Variants in ZC3H12B observed in about 807,000 individuals in gnomAD.
ZC3H12B encodes zinc finger CCCH-type containing 12B.
In ZC3H12B, 7 loss-of-function variants were observed where a neutral mutation model predicts 43.9. The ratio of observed to expected loss-of-function variants is 0.16; its 90% confidence interval spans 0.09 to 0.30. The LOEUF is 0.30. ZC3H12B is among the 10% of genes least tolerant of loss of function. The probability of loss-of-function intolerance (pLI) is 1.00; values close to 1 mark genes in which losing one functional copy is unlikely to be tolerated. For synonymous variants in ZC3H12B, 222 were observed against 241.7 expected (o/e 0.92, Z 0.76); for missense variants, 475 against 670.2 (o/e 0.71, Z 3.22).
chrX:65,158,553 G>A, the ZC3H12B span, among the ~76,000 whole-genome samples: 2 of 111,897 alleles, frequency 1.8e-5, no homozygotes, highest in Admixed American at 9.5e-5. Flanking sequence ...TGTGTTTATT[G>A]GCTGCATAAA....
the ZC3H12B span, among the ~76,000 whole-genome samples, chrX:65,354,480 TA>T: frequency 9.0e-6 from 1 of 111,467 alleles, no homozygotes; most frequent in Non-Finnish European, 1.9e-5. Flanking sequence ...AGACCAAAGG[TA>T]GATAAATCCA....
exon 5 of ZC3H12B, chrX:65,502,394 T>C: frequency 8.3e-7 from 1 of 1,211,277 alleles, no homozygotes; most frequent in Non-Finnish European, 1.1e-6. Context: ...CCGAGAGTAT[T>C]ACATGGCTGA....
At chrX:65,060,588 T>A in the ZC3H12B span, among the ~76,000 whole-genome samples, 1 of 112,110 alleles carries the variant, frequency 8.9e-6, no homozygotes, top group African/African-American at 3.2e-5. Context: ...AATGTATTGT[T>A]GATTTCAGTT....
intron 3 of ZC3H12B, among the ~76,000 whole-genome samples, chrX:65,436,418 A>T (rs1367891879): frequency 8.9e-6 from 1 of 112,642 alleles, no homozygotes; most frequent in African/African-American, 3.2e-5. Flanking sequence ...TTTCTGTTCT[A>T]TCTGGACTTT....
At chrX:65,110,776 A>G in the ZC3H12B span, among the ~76,000 whole-genome samples, 2 of 111,484 alleles carry the variant, frequency 1.8e-5, no homozygotes, top group Non-Finnish European at 3.8e-5. Context: ...ATATCTTGCT[A>G]GGATTTTTGT....
At chrX:65,242,933 G>T in the ZC3H12B span, among the ~76,000 whole-genome samples, 1 of 112,141 alleles carries the variant, frequency 8.9e-6, no homozygotes, top group Non-Finnish European at 1.9e-5. Context: ...ACATGCAGAA[G>T]AAAGAAAATA....
At chrX:65,463,162 G>T (rs1035218179) in intron 3 of ZC3H12B, among the ~76,000 whole-genome samples, 39 of 111,713 alleles carry the variant, frequency 3.5e-4, no homozygotes, top group African/African-American at 1.2e-3. Flanking sequence ...ACTAACTCTT[G>T]AGTACTATGC....
At chrX:65,245,222 A>G in the ZC3H12B span, among the ~76,000 whole-genome samples, 1 of 111,801 alleles carries the variant, frequency 8.9e-6, no homozygotes, top group Admixed American at 9.5e-5. Context: ...ACAGACCAAT[A>G]AGAAGTTCTG....
the ZC3H12B span, among the ~76,000 whole-genome samples, chrX:65,193,551 T>C: frequency 2.2e-3 from 248 of 111,855 alleles, 1 homozygote; most frequent in African/African-American, 7.7e-3. Flanking sequence ...GCTAAAGGTA[T>C]GTCAATTTTG....
the ZC3H12B span, among the ~76,000 whole-genome samples, chrX:65,223,720 G>C: frequency 9.8e-5 from 11 of 111,697 alleles, no homozygotes; most frequent in Non-Finnish European, 1.3e-4. Flanking sequence ...ATGAAGAAAT[G>C]CTCAACATCA....
At chrX:65,124,168 A>T in the ZC3H12B span, among the ~76,000 whole-genome samples, 31 of 110,939 alleles carry the variant, frequency 2.8e-4, no homozygotes, top group South Asian at 0.012. Context: ...TGTCCATGCT[A>T]TGCCAATTTT....
chrX:65,417,953 A>G (rs1212315890), intron 3 of ZC3H12B, among the ~76,000 whole-genome samples: 2 of 112,426 alleles, frequency 1.8e-5, no homozygotes. Flanking sequence ...TTCTCATGCT[A>G]TTATCCATCT....
At chrX:65,115,613 A>T in the ZC3H12B span, among the ~76,000 whole-genome samples, 2 of 111,569 alleles carry the variant, frequency 1.8e-5, no homozygotes, top group Non-Finnish European at 3.8e-5. Context: ...TACTTTTAGT[A>T]CTTTAGGGAA....
chrX:65,177,768 T>A, the ZC3H12B span, among the ~76,000 whole-genome samples: 1 of 111,670 alleles, frequency 9.0e-6, no homozygotes, highest in South Asian at 3.7e-4. Flanking sequence ...CTCAAGGAAA[T>A]AAGAGAGGAC....
the ZC3H12B span, among the ~76,000 whole-genome samples, chrX:65,251,235 A>G: frequency 1.8e-5 from 2 of 111,640 alleles, no homozygotes; most frequent in African/African-American, 3.3e-5. Context: ...TTTGTCAAAG[A>G]TCAGATGGTT....
the ZC3H12B span, among the ~76,000 whole-genome samples, chrX:65,074,544 C>A: frequency 8.9e-6 from 1 of 111,767 alleles, no homozygotes; most frequent in Admixed American, 9.5e-5. Flanking sequence ...GCTATTATTT[C>A]TTTAAATAAA....
intron 3 of ZC3H12B, among the ~76,000 whole-genome samples, chrX:65,434,036 C>T (rs1266388747): frequency 8.9e-6 from 1 of 112,007 alleles, no homozygotes; most frequent in Non-Finnish European, 1.9e-5. Context: ...GTCACGCTAT[C>T]CTGATTCTTT....
At chrX:65,168,772 GGT>G in the ZC3H12B span, among the ~76,000 whole-genome samples, 2 of 110,927 alleles carry the variant, frequency 1.8e-5, no homozygotes, top group Non-Finnish European at 3.8e-5. Flanking sequence ...GTCTTTGGAG[GGT>G]GTGTGTGTCC....
At chrX:65,378,754 C>A (rs778010385) in intron 2 of ZC3H12B, among the ~76,000 whole-genome samples, 1 of 112,462 alleles carries the variant, frequency 8.9e-6, no homozygotes, top group East Asian at 2.8e-4. Flanking sequence ...GTGCATGCAC[C>A]GTGTGCCTGC....
Sources: allele counts gnomAD v4.1 joint callset (sites outside exome capture counted in the v4.1 genomes callset), GRCh38; gene constraint gnomAD v4.1.1; transcripts MANE v1.5; gene names NCBI Gene and HGNC (gene_info 2026-07-23, HGNC 2026-07-21).